TMED10: variants seen among roughly 807,000 people sequenced by gnomAD.
TMED10 encodes the protein transmembrane p24 trafficking protein 10, also known as transmembrane emp24 domain-containing protein 10.
In TMED10, 7 loss-of-function variants were observed where a neutral mutation model predicts 23.1. That is an observed-to-expected ratio of 0.30 (90% CI 0.17 to 0.57). TMED10 has a LOEUF of 0.57. Among genes scored for constraint, TMED10 ranks in the 20% least tolerant of loss-of-function variants. The probability of loss-of-function intolerance (pLI) is 0.91; values close to 1 mark genes in which losing one functional copy is unlikely to be tolerated. For synonymous variants in TMED10, 113 were observed against 106.9 expected (o/e 1.06, Z -0.35); for missense variants, 162 against 274.8 (o/e 0.59, Z 2.90).
intron 3 of TMED10, among the ~76,000 whole-genome samples, chr14:75,140,970 TAA>T (rs1238353373): frequency 1.3e-5 from 2 of 152,162 alleles, no homozygotes; most frequent in Non-Finnish European, 2.9e-5. Flanking sequence ...AAAACAAATA[TAA>T]AAAAGTTTCT....
intron 2 of TMED10, among the ~76,000 whole-genome samples, chr14:75,149,180 G>T (rs778859248): frequency 6.6e-6 from 1 of 152,230 alleles, no homozygotes; most frequent in Non-Finnish European, 1.5e-5. Context: ...GCCTCCCAAA[G>T]TGCTGGGATT....
At chr14:75,161,386 G>A (rs1251696909) in intron 1 of TMED10, among the ~76,000 whole-genome samples, 1 of 152,168 alleles carries the variant, frequency 6.6e-6, no homozygotes, top group Non-Finnish European at 1.5e-5. Flanking sequence ...AACCTAAATT[G>A]AGCAAATGAT....
At chr14:75,160,774 G>A (rs1369930887) in intron 1 of TMED10, among the ~76,000 whole-genome samples, 5 of 152,150 alleles carry the variant, frequency 3.3e-5, no homozygotes, top group African/African-American at 1.2e-4. Flanking sequence ...GGATGGGCAC[G>A]GTGGCTCATG....
chr14:75,141,014 G>A (rs762076939), intron 3 of TMED10, among the ~76,000 whole-genome samples: 2 of 151,926 alleles, frequency 1.3e-5, no homozygotes, highest in African/African-American at 2.4e-5. Flanking sequence ...AGGCCTTAAC[G>A]TTTTTTTCTG....
chr14:75,141,866 G>T (rs950936105), intron 3 of TMED10, among the ~76,000 whole-genome samples: 2 of 152,124 alleles, frequency 1.3e-5, no homozygotes, highest in African/African-American at 4.8e-5. Context: ...TATTTTTGCA[G>T]GGCAACAGAG....
At chr14:75,136,396 C>A (rs1370983211) in intron 3 of TMED10, among the ~76,000 whole-genome samples, 1 of 152,158 alleles carries the variant, frequency 6.6e-6, no homozygotes, top group Non-Finnish European at 1.5e-5. Context: ...TAAGCTCAAG[C>A]AATCTGTCCG....
chr14:75,147,608 G>A, intron 3 of TMED10, 56 bp downstream of exon 3: 1 of 1,591,004 alleles, frequency 6.3e-7, no homozygotes, highest in Non-Finnish European at 8.6e-7. Flanking sequence ...CGAGGTCACA[G>A]AAACCTCACA....
chr14:75,138,503 C>A (rs1447280541), intron 3 of TMED10, among the ~76,000 whole-genome samples: 4 of 152,188 alleles, frequency 2.6e-5, no homozygotes, highest in Non-Finnish European at 5.9e-5. Flanking sequence ...GAATATATAT[C>A]TGTTCATTGA....
chr14:75,151,502 A>C (rs910590429), intron 2 of TMED10, among the ~76,000 whole-genome samples: 2 of 152,200 alleles, frequency 1.3e-5, no homozygotes, highest in Non-Finnish European at 2.9e-5. Flanking sequence ...TACAGGCATG[A>C]GCCACCATGC....
intron 1 of TMED10, 90 bp downstream of exon 1, chr14:75,176,265 C>A: frequency 4.6e-6 from 7 of 1,510,692 alleles, no homozygotes; most frequent in Middle Eastern, 2.3e-4. Context: ...AACTCCCAGG[C>A]CTCCGCCGGC....
At chr14:75,176,025 C>G in intron 1 of TMED10, 1 of 382,132 alleles carries the variant, frequency 2.6e-6, no homozygotes, top group Non-Finnish European at 4.9e-6. Context: ...ATATTCAACA[C>G]CCCAACATTT....
At chr14:75,159,464 G>A (rs536690824) in intron 1 of TMED10, among the ~76,000 whole-genome samples, 1 of 152,198 alleles carries the variant, frequency 6.6e-6, no homozygotes, top group Non-Finnish European at 1.5e-5. Context: ...CTAAGTCATT[G>A]GCCTAGGACA....
chr14:75,151,791 T>G (rs1895958798), intron 2 of TMED10, among the ~76,000 whole-genome samples: 2 of 152,230 alleles, frequency 1.3e-5, no homozygotes, highest in African/African-American at 4.8e-5. Context: ...ATGTATCCAC[T>G]ATTACAGTAT....
At chr14:75,152,714 A>C (rs1895969890) in intron 1 of TMED10, among the ~76,000 whole-genome samples, 1 of 152,228 alleles carries the variant, frequency 6.6e-6, no homozygotes, top group East Asian at 1.9e-4. Flanking sequence ...GGCCAGGTAG[A>C]GTGGGAACAA....
chr14:75,146,063 T>C (rs1418008184), intron 3 of TMED10, among the ~76,000 whole-genome samples: 1 of 152,216 alleles, frequency 6.6e-6, no homozygotes, highest in African/African-American at 2.4e-5. Flanking sequence ...TAAAAAAATT[T>C]TTCAATTTAC....
chr14:75,176,197 A>T (rs1328632205), intron 1 of TMED10, 158 bp downstream of exon 1: 3 of 861,850 alleles, frequency 3.5e-6, no homozygotes, highest in Non-Finnish European at 3.5e-6. Flanking sequence ...ACAGGCAACC[A>T]GCGGGGTGAG....
At chr14:75,161,820 TAA>T (rs563307543) in intron 1 of TMED10, among the ~76,000 whole-genome samples, 72 of 137,132 alleles carry the variant, frequency 5.3e-4, no homozygotes, top group Admixed American at 8.0e-4. Flanking sequence ...CAACTGCATT[TAA>T]AAAAAAAAAA....
intron 2 of TMED10, among the ~76,000 whole-genome samples, chr14:75,151,452 TCA>T (rs1895955194): frequency 6.6e-6 from 1 of 151,976 alleles, no homozygotes; most frequent in African/African-American, 2.4e-5. Flanking sequence ...CTCCTAACCT[TCA>T]GTGATCTGCC....
chr14:75,166,155 A>G (rs563828828), intron 1 of TMED10, among the ~76,000 whole-genome samples: 1 of 152,268 alleles, frequency 6.6e-6, no homozygotes, highest in East Asian at 1.9e-4. Context: ...TGACCCTTTC[A>G]TTATGAGCAC....
Sources: gnomAD v4.1 joint callset for allele counts (sites outside exome capture counted in the v4.1 genomes callset) on GRCh38, gnomAD v4.1.1 for gene constraint, MANE v1.5 for transcripts, NCBI Gene and HGNC (gene_info 2026-07-23, HGNC 2026-07-21) for gene names.